Variants in AIMP2 observed in about 807,000 individuals in gnomAD.
AIMP2 encodes the protein aminoacyl tRNA synthase complex-interacting multifunctional protein 2.
A neutral mutation model predicts 23.4 loss-of-function variants in AIMP2; 20 were observed. The ratio of observed to expected loss-of-function variants is 0.85; its 90% CI spans 0.60 to 1.24. The LOEUF (loss-of-function observed/expected upper bound fraction) is 1.24. Among genes scored for constraint, AIMP2 ranks in the 50% most tolerant of loss-of-function variants. AIMP2 has a pLI of 0.00. For missense variants in AIMP2, 515 were observed against 414.5 expected, an observed-to-expected ratio of 1.24 and a Z score of -2.10; for synonymous variants, 210 against 170.4, an observed-to-expected ratio of 1.23 and a Z score of -1.81.
At chr7:6,019,248 G>C (rs1348761445) in intron 3 of AIMP2, among the ~76,000 whole-genome samples, 2 of 151,328 alleles carry the variant, frequency 1.3e-5, no homozygotes, top group South Asian at 4.2e-4. Context: ...GGGAGGCCGA[G>C]GCGGGCAGAT....
Position 6,017,875 on chromosome 7 carries a change from T to G in AIMP2, c.404T>G (p.Leu135Arg). ...AACCCGGCCTCCCCTCCCCTCTCCC[T>G]GCTTGTGCTGCACAGGCTGCTCTGT... ...NANPASPPLS[L>R]LVLHRLLCEH... is the part of the protein sequence containing the mutation. Residue 135 changes from leucine (L) to arginine (R), a missense_variant, in exon 3 of 4, where the codon CTG becomes CGG. Transcript: ENST00000223029. The G allele has an allele frequency of 6.2e-7, 1 of 1,614,126 alleles. No individual in the cohort carries two copies.
chr7:6,023,032 G>C, intron 3 of AIMP2: 1 of 373,422 alleles, frequency 2.7e-6, no homozygotes, highest in Non-Finnish European at 4.8e-6. Context: ...AGGGATTGGA[G>C]CAGGTGGTCT....
Position 6,010,858 on chromosome 7 carries a change from A to G in AIMP2, c.135+1360A>G, listed in dbSNP as rs545384632. ...AGGTCTTACCACATCTCTACATAAA[A>G]GGTGGTTATGGAGACCCAAGGTGGT... is the stretch of plus-strand genomic sequence containing the variant. On this transcript the variant is annotated intron_variant, in intron 1 of 3. Transcript: ENST00000223029. Among the ~76,000 whole-genome samples the G allele has an allele frequency of 8.6e-5, 13 of 151,862 alleles. No homozygotes were observed. The East Asian group carries it at 2.5e-3, about 29-fold the overall frequency.
At chr7:6,018,927 A>C (rs1174140072) in intron 3 of AIMP2, among the ~76,000 whole-genome samples, 1 of 151,956 alleles carries the variant, frequency 6.6e-6, no homozygotes, top group Non-Finnish European at 1.5e-5. Flanking sequence ...TACACAAAAT[A>C]TACACAAATC....
At position 6,019,945 on chromosome 7, in the gene AIMP2, C is replaced by T. The variant is rs1381640643; in HGVS notation, c.574+1900C>T. On this transcript the variant is annotated intron_variant, in intron 3 of 3. Transcript: ENST00000223029. ...CCTGAGGCAGGAAAATCGCTTCAAC[C>T]TGGGAGGTGGAGGTTGCAGTCAGCT... Among the ~76,000 whole-genome samples, 4 of 149,292 alleles carry T rather than the reference C, an allele frequency of 2.7e-5. No homozygotes were observed. In the South Asian group the frequency reaches 8.4e-4, roughly 31 times the overall value.
In AIMP2 at chr7:6,023,788, T is replaced by TAA; in HGVS notation, c.*97_*98insAA. 1.9e-6 allele frequency: 3 copies of TAA among 1,597,598 alleles called. No individual in the cohort carries two copies. Among genetic ancestry groups the TAA allele is most frequent in the Non-Finnish European group, 2.6e-6 (3 of 1,170,948 alleles). On this transcript the variant is annotated 3_prime_UTR_variant, in exon 4 of 4. Coordinates refer to ENST00000223029, the MANE Select transcript of AIMP2 (RefSeq NM_006303.4). ...GACTTGTATTAGAGTCAGAGTCTTT[T>TAA]TATTTAGGCCAGTTGTCAAGTGTCA...
At chr7:6,014,715 A>AT (rs959514598) in intron 1 of AIMP2, among the ~76,000 whole-genome samples, 8 of 148,910 alleles carry the variant, frequency 5.4e-5, no homozygotes, top group African/African-American at 9.9e-5. Flanking sequence ...GTCTTCTTTT[A>AT]TTTTTTTTTA....
chr7:6,015,236 C>A lies in AIMP2; in HGVS notation c.226C>A (p.Leu76Ile). 6.2e-7 allele frequency: 1 copy of A among 1,614,136 alleles called. No homozygotes were observed. The highest frequency in any genetic ancestry group is 1.7e-5 in the Admixed American group (1 of 60,002). ...TGAGTTGAAAGCTGCAGTTGATGGC[C>A]TCTCCAAGATGATTCAAACACCAGA... ...LYELKAAVDGLSKMIQTPDAD... is the reference protein window; with the variant it reads ...LYELKAAVDGISKMIQTPDAD... Residue 76 changes from leucine to isoleucine, a missense_variant, in exon 2 of 4, where the codon CTC becomes ATC. By Grantham distance (5) the Leu-to-Ile change is conservative. Coordinates refer to ENST00000223029, the MANE Select transcript of AIMP2 (RefSeq NM_006303.4).
chr7:6,022,024 G>T (rs1787462586), intron 3 of AIMP2, among the ~76,000 whole-genome samples: 1 of 152,106 alleles, frequency 6.6e-6, no homozygotes, highest in South Asian at 2.1e-4. Context: ...TGAGGACAGT[G>T]GGATGAAGAC....
intron 3 of AIMP2, among the ~76,000 whole-genome samples, chr7:6,020,682 C>G (rs1366592537): frequency 6.6e-6 from 1 of 152,226 alleles, no homozygotes; most frequent in Non-Finnish European, 1.5e-5. Context: ...AGACAAGTTC[C>G]CAGATGCCAT....
At chr7:6,013,380 G>T (rs1786818211) in intron 1 of AIMP2, among the ~76,000 whole-genome samples, 1 of 149,506 alleles carries the variant, frequency 6.7e-6, no homozygotes, top group Non-Finnish European at 1.5e-5. Flanking sequence ...TCCTGCCTCA[G>T]CCTCCTGAAT....
In AIMP2 at chr7:6,018,058, G is replaced by T. The variant is rs777031773; in HGVS notation, c.574+13G>T. ...ATTTGGAAGAATGGTAAGTAGACGG[G>T]ACTGAGTTCAACTTACACACAGCTG... On this transcript the variant is annotated intron_variant, in intron 3 of 3. Coordinates refer to ENST00000223029, the MANE Select transcript of AIMP2 (RefSeq NM_006303.4). The T allele has an allele frequency of 3.1e-6, 5 of 1,601,998 alleles. No individual in the cohort carries two copies. In the South Asian group the frequency reaches 4.5e-5, roughly 14 times the overall value.
chr7:6,010,028 G>A (rs1322910131), intron 1 of AIMP2, among the ~76,000 whole-genome samples: 1 of 137,170 alleles, frequency 7.3e-6, no homozygotes, highest in Non-Finnish European at 1.5e-5. Flanking sequence ...GGTGGTTCAC[G>A]CCTGGAGTCT....
rs1490720634 is a variant in AIMP2 at position 6,015,268 on chromosome 7, C to G, written c.258C>G (p.Asp86Glu). The G allele has an allele frequency of 1.4e-5, 23 of 1,614,064 alleles. No individual in the cohort carries two copies. The highest frequency in any genetic ancestry group is 1.9e-5 in the Non-Finnish European group (22 of 1,180,042). Residue 86 changes from aspartate (D) to glutamate (E), a missense_variant, in exon 2 of 4, where the codon GAC (aspartate) becomes GAG (glutamate). Transcript: ENST00000223029. Reference protein sequence around the residue: ...LSKMIQTPDADLDVTNIIQAD... With the variant: ...LSKMIQTPDAELDVTNIIQAD... ...AGATGATTCAAACACCAGATGCAGA[C>G]TTGGATGTAACCAACATAATCCAAG...
chr7:6,017,280 C>T (rs1280229554), intron 2 of AIMP2, among the ~76,000 whole-genome samples: 1 of 151,816 alleles, frequency 6.6e-6, no homozygotes, highest in Non-Finnish European at 1.5e-5. Flanking sequence ...TTTTGGGAGG[C>T]CAAGACGGAC....
intron 1 of AIMP2, among the ~76,000 whole-genome samples, chr7:6,011,674 A>C (rs1052789513): frequency 3.3e-5 from 5 of 152,200 alleles, no homozygotes; most frequent in African/African-American, 7.2e-5. Flanking sequence ...GTACAGAGCT[A>C]AGACAGAAAT....
At chr7:6,012,557 C>A (rs900921059) in intron 1 of AIMP2, 3 of 194,692 alleles carry the variant, frequency 1.5e-5, no homozygotes, top group Non-Finnish European at 3.4e-5. Flanking sequence ...CATTCCTGAC[C>A]GAGGTTTTTT....
rs1787224527 is a variant in AIMP2, at chr7:6,019,156, C to T, written c.574+1111C>T. Reference sequence around the variant, plus strand: ...TGTCTGCTTCAATCTGCTTCAGACACCCTGTGACGCTAATCATCTCGGTGT... The same window carrying T: ...TGTCTGCTTCAATCTGCTTCAGACATCCTGTGACGCTAATCATCTCGGTGT... On this transcript the variant is annotated intron_variant, in intron 3 of 3. Coordinates refer to ENST00000223029, the MANE Select transcript of AIMP2 (RefSeq NM_006303.4). 2.0e-5 allele frequency among the ~76,000 whole-genome samples: 3 copies of T among 151,980 alleles called. No individual in the cohort carries two copies. The South Asian group carries it at 6.2e-4, about 32-fold the overall frequency.
intron 2 of AIMP2, 44 bp from the exon 3 acceptor site, chr7:6,017,770 T>C (rs1453300171): frequency 6.4e-6 from 10 of 1,553,666 alleles, no homozygotes; most frequent in Non-Finnish European, 7.9e-6. Context: ...ACAGTGGCAC[T>C]CTCCGATGAC....
Sources: allele counts gnomAD v4.1 joint callset (sites outside exome capture counted in the v4.1 genomes callset), GRCh38; gene constraint gnomAD v4.1.1; transcripts MANE v1.5; gene names NCBI Gene and HGNC (gene_info 2026-07-23, HGNC 2026-07-21).